The following ZNF558 variants were observed in gnomAD, a reference collection of about 807,000 sequenced individuals.
ZNF558 encodes the protein zinc finger protein 558.
ZNF558 carries 23 observed loss-of-function variants against 37.6 expected under a neutral mutation model. That is an observed-to-expected ratio of 0.61 (90% CI 0.44 to 0.87). The LOEUF (loss-of-function observed/expected upper bound fraction) is 0.87, where lower values mean the gene tolerates loss of function less well. ZNF558 is among the 40% of genes least tolerant of loss of function. The pLI is 0.00. For missense variants in ZNF558, 429 were observed against 483.7 expected (o/e 0.89, Z 1.06); for synonymous variants, 189 against 174.4 (o/e 1.08, Z -0.66).
chr19:8,822,832 C>A lies in ZNF558; in HGVS notation c.-65-108G>T. The A allele has an allele frequency of 2.0e-6, 2 of 976,256 alleles. No individual in the cohort carries two copies. The highest frequency in any genetic ancestry group is 3.0e-6 in the Non-Finnish European group (2 of 657,136). 60.5% of individuals were successfully genotyped at this position (976,256 alleles called of 1,614,324 possible). A position where few individuals can be genotyped will look rare whatever the true frequency, so the allele number is the denominator to read the frequency against. On this transcript the variant is annotated intron_variant, in intron 4 of 9. Transcript: ENST00000601372. The surrounding 1 kb of genome is among the most constrained non-coding windows in gnomAD (Gnocchi z 4.4). Reference sequence around the variant, plus strand: ...TCCCATCCTTCTTCAAATGCAAGTTCCGGCTTCCACACTGGGCCTTTATTT... The same window carrying A: ...TCCCATCCTTCTTCAAATGCAAGTTACGGCTTCCACACTGGGCCTTTATTT...
At chr19:8,818,692 T>C (rs541462574) in intron 7 of ZNF558, among the ~76,000 whole-genome samples, 1 of 152,158 alleles carries the variant, frequency 6.6e-6, no homozygotes, top group Admixed American at 6.5e-5. Context: ...TACTACAATG[T>C]AACAATAATC....
intron 2 of ZNF558, among the ~76,000 whole-genome samples, chr19:8,825,367 T>A (rs900116590): frequency 6.6e-6 from 1 of 152,052 alleles, no homozygotes; most frequent in African/African-American, 2.4e-5. Context: ...TTACTTTCGA[T>A]GGCAAAACCT....
Position 8,808,386 on chromosome 19 carries a change from T to C in ZNF558, c.*2895A>G, listed in dbSNP as rs186866882. 2.0e-5 allele frequency: 2 copies of C among 101,802 alleles called. No homozygotes were observed. The highest frequency in any genetic ancestry group is 9.0e-5 in the African/African-American group (2 of 22,188). The allele number at this position is 101,802 out of a possible 1,614,324, so 6.3% of individuals were successfully genotyped here. Reference sequence around the variant, plus strand: ...AATACTTTGCTATGTAAAAATATCATCTCCACATAAAAAGGAATACAGAAT... The same window carrying C: ...AATACTTTGCTATGTAAAAATATCACCTCCACATAAAAAGGAATACAGAAT... On this transcript the variant is annotated 3_prime_UTR_variant, in exon 10 of 10. Transcript: ENST00000601372.
At chr19:8,812,348 T>A (rs1206740523) in intron 9 of ZNF558, among the ~76,000 whole-genome samples, 1 of 152,230 alleles carries the variant, frequency 6.6e-6, no homozygotes, top group East Asian at 1.9e-4. Flanking sequence ...AGGAAATATT[T>A]ACTTGTGGGA....
At position 8,811,242 on chromosome 19, in the gene ZNF558, G is replaced by C. The variant is rs375436772; in HGVS notation, c.*39C>G. The C allele has an allele frequency of 1.6e-4, 246 of 1,515,112 alleles. No individual in the cohort carries two copies. Among genetic ancestry groups the C allele is most frequent in the Non-Finnish European group, 2.1e-4 (232 of 1,131,548 alleles). The allele number at this position is 1,515,112 out of a possible 1,614,324, so 93.9% of individuals were successfully genotyped here. A position where few individuals can be genotyped will look rare whatever the true frequency, so the allele number is the denominator to read the frequency against. ...CTCTCAAACTATCTTAGGGATGAAA[G>C]ATCAATGAGTGCTTTCCTCCAGAAG... is the stretch of plus-strand genomic sequence containing the variant. On this transcript the variant is annotated 3_prime_UTR_variant, in exon 10 of 10. Transcript: ENST00000601372.
intron 2 of ZNF558, among the ~76,000 whole-genome samples, chr19:8,825,502 C>T (rs2044210732): frequency 6.6e-6 from 1 of 152,026 alleles, no homozygotes; most frequent in Non-Finnish European, 1.5e-5. Flanking sequence ...GAGATTATCT[C>T]CAATAAATTT....
intron 2 of ZNF558, among the ~76,000 whole-genome samples, chr19:8,825,465 C>G (rs371420754): frequency 1.3e-5 from 2 of 150,612 alleles, no homozygotes; most frequent in East Asian, 1.9e-4. Flanking sequence ...AACAAAGAAC[C>G]CCTGAAAAGA....
chr19:8,822,074 G>A lies in ZNF558; in HGVS notation c.49C>T (p.Pro17Ser), dbSNP rs369625568. The stretch of plus-strand genomic sequence containing the variant: ...GTGTGTCCTTTTTGCTGAGAGGCTG[G>A]GAACAGGGAAGACGGAGCTGGAGGA... ...PSTAAPSSLF[P>S]ASQQKGHTQG... The change falls in exon 6 of 10, where the codon CCA becomes TCA. Residue 17 changes from proline (P) to serine (S), a missense_variant. Transcript: ENST00000601372. This position sits in a 1 kb window ranked among gnomAD's most constrained non-coding sequence, Gnocchi z 4.4. The A allele has an allele frequency of 6.2e-7, 1 of 1,614,042 alleles. No individual in the cohort carries two copies. Among genetic ancestry groups the A allele is most frequent in the South Asian group, 1.1e-5 (1 of 91,076 alleles).
intron 7 of ZNF558, among the ~76,000 whole-genome samples, chr19:8,813,566 C>T (rs1290353205): frequency 6.6e-6 from 1 of 152,132 alleles, no homozygotes; most frequent in Non-Finnish European, 1.5e-5. Context: ...ACCATATTGG[C>T]CAGGCAGGTC....
chr19:8,834,195 G>A (rs2044427272), upstream of ZNF558, among the ~76,000 whole-genome samples: 1 of 152,206 alleles, frequency 6.6e-6, no homozygotes, highest in South Asian at 2.1e-4. Flanking sequence ...TTTTCAGGTG[G>A]CTGAAGGAAG....
At chr19:8,824,878 C>A in intron 3 of ZNF558, 124 bp downstream of exon 3, 1 of 152,646 alleles carries the variant, frequency 6.6e-6, no homozygotes. Context: ...CGTCTGTATC[C>A]CCCATCCCAG....
At chr19:8,821,778 G>A in intron 6 of ZNF558, 2 of 1,367,140 alleles carry the variant, frequency 1.5e-6, no homozygotes, top group Non-Finnish European at 1.9e-6. Context: ...AAACTCTCAG[G>A]AGCACATGAT....
At chr19:8,821,367 G>C (rs2044084926) in intron 6 of ZNF558, 61 bp from the exon 7 acceptor site, 2 of 1,613,998 alleles carry the variant, frequency 1.2e-6, no homozygotes, top group East Asian at 4.5e-5. Flanking sequence ...TGCACAGGAA[G>C]AGGGGCCAGG....
chr19:8,819,396 G>T lies in ZNF558; in HGVS notation c.247+1784C>A, dbSNP rs563089603. 4.0e-3 allele frequency among the ~76,000 whole-genome samples: 606 copies of T among 152,134 alleles called. 2 individuals carry two copies. Among genetic ancestry groups the T allele is most frequent in the Middle Eastern group, 0.01 (3 of 294 alleles). On this transcript the variant is annotated intron_variant, in intron 7 of 9. Transcript: ENST00000601372. ...GGGCTTCACTAAGTTGGCCAGGCTG[G>T]TCTTGAACTCCTGACCTTAAGTGAT...
intron 4 of ZNF558, among the ~76,000 whole-genome samples, chr19:8,823,150 T>C (rs2044136613): frequency 6.6e-6 from 1 of 151,944 alleles, no homozygotes; most frequent in South Asian, 2.1e-4. Context: ...CCTTTGTTCC[T>C]TCTCTCATCA....
At chr19:8,819,131 C>T (rs1042631229) in intron 7 of ZNF558, among the ~76,000 whole-genome samples, 3 of 152,134 alleles carry the variant, frequency 2.0e-5, no homozygotes, top group African/African-American at 7.2e-5. Flanking sequence ...AGGTATCACA[C>T]CAAGAGCACA....
chr19:8,833,502 AG>A (rs2044411846), upstream of ZNF558: 1 of 152,228 alleles, frequency 6.6e-6, no homozygotes, highest in African/African-American at 2.4e-5. Flanking sequence ...TGTATGCCGT[AG>A]TCATATTCAT....
chr19:8,831,775 T>A (rs1051281442), intron 1 of ZNF558, among the ~76,000 whole-genome samples: 3 of 152,238 alleles, frequency 2.0e-5, no homozygotes, highest in African/African-American at 4.8e-5. Context: ...AGATTTTTTT[T>A]TTAAGGCCCT....
chr19:8,824,389 A>G lies in ZNF558; in HGVS notation c.-373T>C, dbSNP rs1361559776. 1 of 152,306 alleles carries G rather than the reference A, an allele frequency of 6.6e-6. No homozygotes were observed. Among genetic ancestry groups the G allele is most frequent in the African/African-American group, 2.4e-5 (1 of 41,466 alleles). The allele number at this position is 152,306 out of a possible 1,614,324, so 9.4% of individuals were successfully genotyped here. ...CAGCCTTCTGCAAGTTTCCAGCCAG[A>G]GCCTTCCAGCCAAGCTGCTCCTGAA... On this transcript the variant is annotated 5_prime_UTR_variant, in exon 4 of 10. Coordinates refer to ENST00000601372, the MANE Select transcript of ZNF558 (RefSeq NM_144693.3).
Sources: allele counts gnomAD v4.1 joint callset (sites outside exome capture counted in the v4.1 genomes callset), GRCh38; gene constraint gnomAD v4.1.1; non-coding constraint Gnocchi (gnomAD v3.1); transcripts MANE v1.5; gene names NCBI Gene and HGNC (gene_info 2026-07-23, HGNC 2026-07-21).